COLEC10: variants seen among roughly 807,000 people sequenced by gnomAD.
COLEC10 encodes collectin subfamily member 10.
A neutral mutation model predicts 28.4 loss-of-function variants in COLEC10; 22 were observed. The observed-to-expected ratio is 0.78, with a 90% CI of 0.55 to 1.11. The LOEUF is 1.11. Ranked by LOEUF, COLEC10 falls within the 50% of genes least tolerant of loss-of-function variation. The pLI is 0.00. For missense variants in COLEC10, 361 were observed against 344.1 expected (o/e 1.05, Z -0.39); for synonymous variants, 125 against 116.1 (o/e 1.08, Z -0.49).
rs563496529 is a variant in COLEC10, at chr8:119,108,326, A to G, written c.*2135A>G. 3.3e-5 allele frequency among the ~76,000 whole-genome samples: 5 copies of G among 152,326 alleles called. No individual in the cohort carries two copies. The highest frequency in any genetic ancestry group is 1.2e-4 in the African/African-American group (5 of 41,586). On this transcript the variant is annotated 3_prime_UTR_variant, in exon 6 of 6. Coordinates refer to ENST00000332843, the MANE Select transcript of COLEC10 (RefSeq NM_006438.5). ...GAGAGACATGCAGCAAATGTTGCCT[A>G]CGGGCAACTTCATGTTAAGGATCCA...
intron 2 of COLEC10, among the ~76,000 whole-genome samples, chr8:119,021,744 G>T (rs140061824): frequency 6.6e-6 from 1 of 152,094 alleles, no homozygotes. Flanking sequence ...CCTGGCCCTC[G>T]TAGTAAAAAG....
intron 2 of COLEC10, among the ~76,000 whole-genome samples, chr8:119,035,961 A>C (rs1814382493): frequency 6.6e-6 from 1 of 151,990 alleles, no homozygotes; most frequent in South Asian, 2.1e-4. Flanking sequence ...GAGTTTTTTT[A>C]CTTCCTCTGA....
chr8:119,083,759 T>A (rs1281641294), intron 1 of COLEC10, among the ~76,000 whole-genome samples: 1 of 152,068 alleles, frequency 6.6e-6, no homozygotes, highest in Non-Finnish European at 1.5e-5. Flanking sequence ...GACAAATTAC[T>A]TAATAAAATT....
chr8:119,002,991 T>C (rs1264933891), intron 1 of COLEC10, among the ~76,000 whole-genome samples: 1 of 152,138 alleles, frequency 6.6e-6, no homozygotes, highest in Non-Finnish European at 1.5e-5. Context: ...TTTTCTCCAT[T>C]GGCTTAGTTC....
intron 2 of COLEC10, 34 bp downstream of exon 2, chr8:119,089,785 A>G (rs935299549): frequency 1.3e-6 from 2 of 1,556,348 alleles, no homozygotes; most frequent in African/African-American, 1.4e-5. Context: ...ACATTTTAAT[A>G]TCATAATTGT....
Position 119,103,863 on chromosome 8 carries a change from G to A in COLEC10, c.410G>A (p.Arg137Gln), listed in dbSNP as rs180713200. The change falls in exon 5 of 6, where the codon CGG (arginine) becomes CAG (glutamine). Residue 137 changes from arginine to glutamine, a missense_variant. Arg to Gln is a conservative substitution (Grantham distance 43, BLOSUM62 1). Around this residue, in one of 3 missense-constraint regions of COLEC10, gnomAD observed 335 missense variants for 308.5 expected, o/e 1.09. Coordinates refer to ENST00000332843, the MANE Select transcript of COLEC10 (RefSeq NM_006438.5). Reference sequence around the variant, plus strand: ...GGACAACTGGATATTAGTATTGCTCGGCTCAAGACATCTATGAAGTTTGTC... The same window carrying A: ...GGACAACTGGATATTAGTATTGCTCAGCTCAAGACATCTATGAAGTTTGTC... ...FVGQLDISIA[R>Q]LKTSMKFVKN... 158 of 1,612,128 alleles carry A rather than the reference G, an allele frequency of 9.8e-5. No individual in the cohort carries two copies. The highest frequency in any genetic ancestry group is 4.5e-4 in the East Asian group (20 of 44,784).
chr8:118,983,899 G>C, the COLEC10 span, among the ~76,000 whole-genome samples: 1 of 152,140 alleles, frequency 6.6e-6, no homozygotes, highest in African/African-American at 2.4e-5. Context: ...ATGTAAATTA[G>C]TTCAGCCATT....
At chr8:118,959,336 A>G in the COLEC10 span, among the ~76,000 whole-genome samples, 4 of 152,254 alleles carry the variant, frequency 2.6e-5, no homozygotes, top group African/African-American at 4.8e-5. Flanking sequence ...AATAGAGCAC[A>G]GTGATTAGAG....
chr8:119,087,669 C>T (rs1385311982), intron 1 of COLEC10, among the ~76,000 whole-genome samples: 1 of 152,144 alleles, frequency 6.6e-6, no homozygotes, highest in South Asian at 2.1e-4. Context: ...ATATTTCTTT[C>T]TGCAACCCCC....
intron 2 of COLEC10, among the ~76,000 whole-genome samples, chr8:119,045,762 G>A (rs1019301138): frequency 8.5e-5 from 13 of 152,214 alleles, no homozygotes; most frequent in African/African-American, 3.1e-4. Context: ...TCCCTCATTT[G>A]ATGAATTCTA....
chr8:119,077,922 G>C (rs1361818984), intron 1 of COLEC10, among the ~76,000 whole-genome samples: 1 of 152,128 alleles, frequency 6.6e-6, no homozygotes, highest in Non-Finnish European at 1.5e-5. Flanking sequence ...TCTGCAGACT[G>C]TACAAAAAGT....
At chr8:119,038,199 A>C (rs1349846516) in intron 2 of COLEC10, among the ~76,000 whole-genome samples, 1 of 152,254 alleles carries the variant, frequency 6.6e-6, no homozygotes, top group African/African-American at 2.4e-5. Flanking sequence ...CCTGGGCTCA[A>C]ATCACAGCTT....
At chr8:119,062,130 A>G (rs1157107732) in intron 2 of COLEC10, among the ~76,000 whole-genome samples, 1 of 152,160 alleles carries the variant, frequency 6.6e-6, no homozygotes. Context: ...CCATTATATT[A>G]TAAACATTAT....
chr8:119,091,888 C>T (rs539611451), intron 3 of COLEC10, among the ~76,000 whole-genome samples: 2 of 152,120 alleles, frequency 1.3e-5, no homozygotes, highest in African/African-American at 4.8e-5. Context: ...GGCTACAAAT[C>T]CTTGCTATGA....
At chr8:118,970,871 A>G in the COLEC10 span, among the ~76,000 whole-genome samples, 1 of 152,016 alleles carries the variant, frequency 6.6e-6, no homozygotes, top group African/African-American at 2.4e-5. Context: ...CTTGTCACAA[A>G]TATGACTTGC....
At chr8:118,981,514 T>A in the COLEC10 span, among the ~76,000 whole-genome samples, 1,315 of 152,198 alleles carry the variant, frequency 8.6e-3, 16 homozygotes, top group African/African-American at 0.03. Flanking sequence ...CTAGGTTTTT[T>A]AAAAATAAAT....
At position 119,089,690 on chromosome 8, in the gene COLEC10, T is replaced by G; in HGVS notation, c.159T>G (p.Gly53=). The change falls in exon 2 of 6, where the codon GGT becomes GGG. Residue 53 remains glycine, a synonymous_variant. Coordinates refer to ENST00000332843, the MANE Select transcript of COLEC10 (RefSeq NM_006438.5). ...TTTCTGTTTCAAAAGGAGATGATGG[T>G]GAAAAAGGAGATCCAGGAGAAGAGG... ...TISPGPKGDD[G]EKGDPGEEGK... 6.2e-7 allele frequency: 1 copy of G among 1,613,186 alleles called. No homozygotes were observed. The highest frequency in any genetic ancestry group is 8.5e-7 in the Non-Finnish European group (1 of 1,179,434).
chr8:119,108,448 C>T lies in COLEC10; in HGVS notation c.*2257C>T, dbSNP rs1295824527. On this transcript the variant is annotated 3_prime_UTR_variant, in exon 6 of 6. Transcript: ENST00000332843. ...CTGTGAATGTTATAATAATAGTTCTCTCAATGACTCATGTTGTCTGTGATG... is the reference window on the plus strand; with the variant it reads ...CTGTGAATGTTATAATAATAGTTCTTTCAATGACTCATGTTGTCTGTGATG... Among the ~76,000 whole-genome samples, 4 of 152,154 alleles carry T rather than the reference C, an allele frequency of 2.6e-5. No homozygotes were observed. The highest frequency in any genetic ancestry group is 5.9e-5 in the Non-Finnish European group (4 of 68,016).
chr8:119,079,596 T>C (rs921008632), intron 1 of COLEC10, among the ~76,000 whole-genome samples: 1 of 151,306 alleles, frequency 6.6e-6, no homozygotes, highest in African/African-American at 2.4e-5. Context: ...AGTACAGTGT[T>C]AGTTCCCACC....
Sources: gnomAD v4.1 joint callset for allele counts (sites outside exome capture counted in the v4.1 genomes callset) on GRCh38, gnomAD v4.1.1 for gene constraint, gnomAD v4.1.1 regional missense constraint, MANE v1.5 for transcripts, NCBI Gene and HGNC (gene_info 2026-07-23, HGNC 2026-07-21) for gene names.